Variants in STAMBPL1 observed in about 807,000 individuals in gnomAD.
STAMBPL1 encodes the protein STAM binding protein like 1, also known as AMSH-like protease.
A neutral mutation model predicts 52.9 loss-of-function variants in STAMBPL1; 44 were observed. The observed-to-expected ratio is 0.83, with a 90% CI of 0.65 to 1.07. STAMBPL1 has a LOEUF of 1.07. STAMBPL1 is among the 50% of genes least tolerant of loss of function. The probability of loss-of-function intolerance (pLI) is 0.00; values close to 1 mark genes in which losing one functional copy is unlikely to be tolerated. For missense variants in STAMBPL1, 511 were observed against 520.8 expected (o/e 0.98, Z 0.18); for synonymous variants, 164 against 177.3 (o/e 0.92, Z 0.60).
At chr10:88,899,563 G>A (rs1210406689) in intron 1 of STAMBPL1, among the ~76,000 whole-genome samples, 1 of 152,168 alleles carries the variant, frequency 6.6e-6, no homozygotes, top group African/African-American at 2.4e-5. Flanking sequence ...AGGCTAGAGT[G>A]TAGTGGTGCC....
chr10:88,911,085 T>G (rs1845212037), intron 5 of STAMBPL1, 74 bp downstream of exon 5: 1 of 1,001,530 alleles, frequency 1.0e-6, no homozygotes, highest in Non-Finnish European at 1.4e-6. Context: ...TTTTATGTGA[T>G]GAGTTTTTCA....
chr10:88,922,193 A>T (rs1845529510), intron 9 of STAMBPL1, 144 bp from the exon 10 acceptor site: 10 of 539,030 alleles, frequency 1.9e-5, no homozygotes, highest in African/African-American at 4.0e-5. Context: ...TCATTGGTTT[A>T]AAAAAAAAAT....
chr10:88,893,673 G>A (rs1273093340), intron 1 of STAMBPL1, among the ~76,000 whole-genome samples: 2 of 151,592 alleles, frequency 1.3e-5, no homozygotes, highest in Non-Finnish European at 3.0e-5. Flanking sequence ...CCTAGGAAGC[G>A]GAGGTTGCAG....
chr10:88,914,980 A>G (rs964741952), intron 7 of STAMBPL1, among the ~76,000 whole-genome samples: 7 of 152,158 alleles, frequency 4.6e-5, no homozygotes, highest in African/African-American at 1.7e-4. Context: ...TGCCAAATCA[A>G]ATTTTCATTG....
chr10:88,883,882 A>T (rs1161974046), intron 1 of STAMBPL1, among the ~76,000 whole-genome samples: 3 of 151,996 alleles, frequency 2.0e-5, no homozygotes, highest in African/African-American at 7.2e-5. Flanking sequence ...AATATTAAGG[A>T]TGTTATGACT....
At chr10:88,904,304 T>C (rs988577352) in intron 2 of STAMBPL1, among the ~76,000 whole-genome samples, 1 of 152,198 alleles carries the variant, frequency 6.6e-6, no homozygotes, top group South Asian at 2.1e-4. Context: ...ACATTGATTC[T>C]CCTGCCTAAC....
intron 1 of STAMBPL1, among the ~76,000 whole-genome samples, chr10:88,892,237 A>G (rs1401270502): frequency 6.6e-6 from 1 of 152,094 alleles, no homozygotes. Flanking sequence ...TCAAGTTTTA[A>G]TGTGCATAAA....
At chr10:88,890,263 C>T (rs950147657) in intron 1 of STAMBPL1, among the ~76,000 whole-genome samples, 4 of 152,210 alleles carry the variant, frequency 2.6e-5, no homozygotes, top group African/African-American at 9.7e-5. Flanking sequence ...AGGATATTAA[C>T]AGCAATAGAA....
intron 8 of STAMBPL1, among the ~76,000 whole-genome samples, chr10:88,919,821 GA>G (rs938716754): frequency 3.4e-5 from 5 of 147,058 alleles, no homozygotes; most frequent in East Asian, 2.0e-4. Flanking sequence ...TATTAAAGCC[GA>G]AAAAAAACGT....
chr10:88,918,091 C>T (rs1438791503), intron 8 of STAMBPL1, among the ~76,000 whole-genome samples: 1 of 152,060 alleles, frequency 6.6e-6, no homozygotes, highest in Non-Finnish European at 1.5e-5. Flanking sequence ...TAAGTTTCAT[C>T]GTGAATATTG....
intron 1 of STAMBPL1, among the ~76,000 whole-genome samples, chr10:88,895,687 C>CA (rs1215680985): frequency 1.3e-5 from 2 of 152,130 alleles, no homozygotes; most frequent in Non-Finnish European, 2.9e-5. Flanking sequence ...ATAAGGTGCA[C>CA]AAAAAGGTTA....
intron 1 of STAMBPL1, among the ~76,000 whole-genome samples, chr10:88,892,665 A>G (rs1335752230): frequency 1.3e-5 from 2 of 152,222 alleles, no homozygotes; most frequent in Non-Finnish European, 2.9e-5. Context: ...TGTCCAGTGC[A>G]AAACCAAATG....
At chr10:88,908,804 G>A in intron 4 of STAMBPL1, 27 bp downstream of exon 4, 1 of 1,555,110 alleles carries the variant, frequency 6.4e-7, no homozygotes, top group Non-Finnish European at 8.8e-7. Flanking sequence ...TCTCCACTGT[G>A]GAATCAAATG....
intron 1 of STAMBPL1, among the ~76,000 whole-genome samples, chr10:88,886,661 TTC>T (rs1425138974): frequency 6.6e-6 from 1 of 152,202 alleles, no homozygotes; most frequent in African/African-American, 2.4e-5. Context: ...GATTTGATGC[TTC>T]TCTGGGTTAA....
At chr10:88,912,979 C>A in intron 5 of STAMBPL1, 122 bp from the exon 6 acceptor site, 3 of 808,676 alleles carry the variant, frequency 3.7e-6, no homozygotes, top group Non-Finnish European at 6.0e-6. Flanking sequence ...CATGAGTGTC[C>A]CTGTGGGCAT....
At chr10:88,892,123 C>A (rs551890267) in intron 1 of STAMBPL1, among the ~76,000 whole-genome samples, 38 of 152,182 alleles carry the variant, frequency 2.5e-4, no homozygotes, top group South Asian at 1.5e-3. Context: ...GAAACACCTC[C>A]ACTTCAGAGA....
chr10:88,923,263 A>G lies in STAMBPL1; in HGVS notation c.*39A>G. 3 of 1,554,176 alleles carry G rather than the reference A, an allele frequency of 1.9e-6. No homozygotes were observed. The highest frequency in any genetic ancestry group is 2.6e-6 in the Non-Finnish European group (3 of 1,158,042). On this transcript the variant is annotated 3_prime_UTR_variant, in exon 11 of 11. Transcript: ENST00000371926. Reference sequence around the variant, plus strand: ...TAAGCACCGTCAACATCAGACACCTACTCATGGACATGTGGTTGCCGGATT... The same window carrying G: ...TAAGCACCGTCAACATCAGACACCTGCTCATGGACATGTGGTTGCCGGATT...
At chr10:88,894,647 C>A (rs554532626) in intron 1 of STAMBPL1, among the ~76,000 whole-genome samples, 1 of 151,958 alleles carries the variant, frequency 6.6e-6, no homozygotes, top group African/African-American at 2.4e-5. Context: ...GGAAAAAGAC[C>A]GAATTCAAGA....
At chr10:88,892,372 GT>G (rs1466873283) in intron 1 of STAMBPL1, among the ~76,000 whole-genome samples, 8 of 152,000 alleles carry the variant, frequency 5.3e-5, no homozygotes, top group African/African-American at 1.9e-4. Flanking sequence ...GTGTGTGTGT[GT>G]GTGTGGCCAG....
Sources: gnomAD v4.1 joint callset for allele counts (sites outside exome capture counted in the v4.1 genomes callset) on GRCh38, gnomAD v4.1.1 for gene constraint, MANE v1.5 for transcripts, NCBI Gene and HGNC (gene_info 2026-07-23, HGNC 2026-07-21) for gene names.